USP25: variants seen among roughly 807,000 people sequenced by gnomAD.
USP25 encodes the protein ubiquitin specific peptidase 25, also known as ubiquitin carboxyl-terminal hydrolase 25.
Under a neutral mutation model 158.5 loss-of-function variants are expected in USP25, and 85 were observed. The observed-to-expected ratio is 0.54, with a 90% confidence interval of 0.45 to 0.64. The LOEUF (loss-of-function observed/expected upper bound fraction) is 0.64. Among genes scored for constraint, USP25 ranks in the 30% least tolerant of loss-of-function variants. The probability of loss-of-function intolerance (pLI) is 0.00; values close to 1 mark genes in which losing one functional copy is unlikely to be tolerated. For synonymous variants in USP25, 464 were observed against 460.4 expected (o/e 1.01, Z -0.10); for missense variants, 1,242 against 1,327.3 (o/e 0.94, Z 1.00).
At chr21:15,823,303 A>G (rs192297895) in intron 10 of USP25, among the ~76,000 whole-genome samples, 7 of 152,124 alleles carry the variant, frequency 4.6e-5, no homozygotes, top group Admixed American at 4.6e-4. Context: ...TTCTTTTAAA[A>G]ATGTTGAATT....
At chr21:15,746,177 G>A (rs982632315) in intron 1 of USP25, among the ~76,000 whole-genome samples, 4 of 152,012 alleles carry the variant, frequency 2.6e-5, no homozygotes, top group Non-Finnish European at 4.4e-5. Context: ...AGAATTTTTT[G>A]TATTTCCATA....
chr21:15,856,458 T>C (rs1037692200), intron 20 of USP25, among the ~76,000 whole-genome samples: 1 of 151,636 alleles, frequency 6.6e-6, no homozygotes, highest in Non-Finnish European at 1.5e-5. Flanking sequence ...AAAGTAGGAG[T>C]ATACTCTTTC....
intron 5 of USP25, 23 bp from the exon 6 acceptor site, chr21:15,799,734 G>A (rs1202639468): frequency 1.0e-5 from 16 of 1,533,028 alleles, no homozygotes; most frequent in African/African-American, 1.4e-5. Context: ...CTCAGGTTAT[G>A]TTAAATTGTT....
intron 18 of USP25, 49 bp from the exon 19 acceptor site, chr21:15,847,614 C>A: frequency 3.1e-6 from 4 of 1,297,852 alleles, no homozygotes; most frequent in South Asian, 1.3e-5. Context: ...TGCCATTGTT[C>A]TCCACTGTTC....
intron 1 of USP25, among the ~76,000 whole-genome samples, chr21:15,762,479 G>A (rs747710374): frequency 9.2e-5 from 14 of 152,082 alleles, no homozygotes; most frequent in Non-Finnish European, 1.5e-4. Context: ...GAAGATCTCC[G>A]TGGTATAATT....
chr21:15,871,324 C>A (rs928688855), intron 23 of USP25, among the ~76,000 whole-genome samples: 3 of 152,046 alleles, frequency 2.0e-5, no homozygotes, highest in Admixed American at 2.0e-4. Context: ...GATTTTATTT[C>A]TTTAATAGGA....
At chr21:15,814,446 G>C (rs186714814) in intron 9 of USP25, among the ~76,000 whole-genome samples, 1 of 152,100 alleles carries the variant, frequency 6.6e-6, no homozygotes, top group Non-Finnish European at 1.5e-5. Flanking sequence ...GAAGGGCTCA[G>C]AAGAAGATAG....
chr21:15,847,498 T>C (rs2038677353), intron 18 of USP25, among the ~76,000 whole-genome samples, 165 bp from the exon 19 acceptor site: 1 of 152,214 alleles, frequency 6.6e-6, no homozygotes, highest in Non-Finnish European at 1.5e-5. Flanking sequence ...TAAGAGTATG[T>C]GCTTAAACAG....
At chr21:15,849,973 C>A in intron 20 of USP25, 101 bp downstream of exon 20, 1 of 940,940 alleles carries the variant, frequency 1.1e-6, no homozygotes, top group Admixed American at 3.3e-5. Context: ...TGTATAATTT[C>A]TCTTTTCCTA....
At chr21:15,835,928 T>C (rs1407961770) in intron 17 of USP25, among the ~76,000 whole-genome samples, 2 of 152,224 alleles carry the variant, frequency 1.3e-5, no homozygotes, top group Non-Finnish European at 2.9e-5. Flanking sequence ...GTTTCACATA[T>C]CATAATTGAA....
rs1438347013 is a variant in USP25, at chr21:15,874,407, A to C, written c.2890A>C (p.Ile964Leu). The C allele has an allele frequency of 6.2e-7, 1 of 1,603,038 alleles. No homozygotes were observed. The highest frequency in any genetic ancestry group is 8.5e-7 in the Non-Finnish European group (1 of 1,174,772). ...GLENFQRESY[I>L]DSLLFLICAY... is the part of the protein sequence containing the mutation. The stretch of plus-strand genomic sequence containing the variant: ...TGTTTCTTTTTAATTTTCAAGTTAT[A>C]TAGATTCCTTGCTGTTCCTCATCTG... Residue 964 changes from isoleucine (I) to leucine (L), a missense_variant, in exon 24 of 26, where the codon ATA becomes CTA. Coordinates refer to ENST00000400183, the MANE Select transcript of USP25 (RefSeq NM_001283041.3).
chr21:15,790,186 G>T (rs1417294662), intron 4 of USP25, among the ~76,000 whole-genome samples: 1 of 151,958 alleles, frequency 6.6e-6, no homozygotes, highest in African/African-American at 2.4e-5. Context: ...ATGTCTTTTC[G>T]TGAAACAAGC....
chr21:15,824,886 G>T (rs1297523253), intron 11 of USP25, 80 bp from the exon 12 acceptor site: 2 of 1,157,400 alleles, frequency 1.7e-6, no homozygotes, highest in Non-Finnish European at 2.5e-6. Flanking sequence ...AGAGTGGTAG[G>T]CCGGGTACGC....
At chr21:15,792,185 C>T (rs936979900) in intron 5 of USP25, among the ~76,000 whole-genome samples, 14 of 151,756 alleles carry the variant, frequency 9.2e-5, no homozygotes, top group Admixed American at 7.9e-4. Context: ...AAGAATAACA[C>T]ATTGTCTTTT....
chr21:15,868,644 C>T (rs1417203330), intron 22 of USP25, among the ~76,000 whole-genome samples: 1 of 152,154 alleles, frequency 6.6e-6, no homozygotes, highest in Admixed American at 6.5e-5. Flanking sequence ...GACCAGCTTA[C>T]CACCTGTTTT....
intron 3 of USP25, among the ~76,000 whole-genome samples, chr21:15,775,225 A>G (rs2034570922): frequency 6.6e-6 from 1 of 152,210 alleles, no homozygotes; most frequent in Non-Finnish European, 1.5e-5. Context: ...GAATTAGGAA[A>G]AGCTGTAAGT....
intron 1 of USP25, among the ~76,000 whole-genome samples, chr21:15,751,939 A>G (rs2033045044): frequency 6.6e-6 from 1 of 152,154 alleles, no homozygotes; most frequent in Non-Finnish European, 1.5e-5. Context: ...TTGTAATTAA[A>G]AAAATTTTTT....
chr21:15,771,211 A>T (rs1242060474), intron 3 of USP25, among the ~76,000 whole-genome samples: 2 of 152,314 alleles, frequency 1.3e-5, no homozygotes, highest in Middle Eastern at 3.4e-3. Context: ...TAAGTCGTTC[A>T]TGAAGAACAG....
Position 15,826,857 on chromosome 21 carries a change from ATTTC to A in USP25, c.1467-116_1467-113del. Reference sequence around the variant, plus strand: ...ATTTGGATGTTAGATCAATCCACATATTTCTTTAAGATTTTTTCTTTTGAATTAC... The same window carrying A: ...ATTTGGATGTTAGATCAATCCACATATTTAAGATTTTTTCTTTTGAATTAC... On this transcript the variant is annotated intron_variant, in intron 13 of 25. Transcript: ENST00000400183. The surrounding 1 kb of genome is among the most constrained non-coding windows in gnomAD (Gnocchi z 4.8). The A allele has an allele frequency of 9.1e-6, 8 of 882,828 alleles. No individual in the cohort carries two copies. In the South Asian group the frequency reaches 1.2e-4, roughly 14 times the overall value. The allele number at this position is 882,828 out of a possible 1,614,324, so 54.7% of individuals were successfully genotyped here.
Sources: gnomAD v4.1 joint callset for allele counts (sites outside exome capture counted in the v4.1 genomes callset) on GRCh38, gnomAD v4.1.1 for gene constraint, Gnocchi (gnomAD v3.1) non-coding constraint, MANE v1.5 for transcripts, NCBI Gene and HGNC (gene_info 2026-07-23, HGNC 2026-07-21) for gene names.